Variants in HADHB observed in about 807,000 individuals in gnomAD.
HADHB encodes hydroxyacyl-CoA dehydrogenase trifunctional multienzyme complex subunit beta, also known as trifunctional enzyme subunit beta, mitochondrial.
Under a neutral mutation model 61.9 loss-of-function variants are expected in HADHB, and 50 were observed. The ratio of observed to expected loss-of-function variants is 0.81; its 90% CI spans 0.64 to 1.02. HADHB has a LOEUF of 1.02. Among genes scored for constraint, HADHB ranks in the 50% least tolerant of loss-of-function variants. The pLI is 0.00. For missense variants in HADHB, 504 were observed against 586.5 expected (o/e 0.86, Z 1.45); for synonymous variants, 191 against 201.6 (o/e 0.95, Z 0.45).
chr2:26,270,321 C>T (rs1332192528), intron 5 of HADHB, among the ~76,000 whole-genome samples: 1 of 152,188 alleles, frequency 6.6e-6, no homozygotes, highest in Non-Finnish European at 1.5e-5. Flanking sequence ...TAAAAGACAC[C>T]TGAAGATTCA....
At chr2:26,289,224 T>G (rs1450813042) in intron 15 of HADHB, among the ~76,000 whole-genome samples, 1 of 152,104 alleles carries the variant, frequency 6.6e-6, no homozygotes, top group Non-Finnish European at 1.5e-5. Context: ...TACTCCAGCC[T>G]GGGCAACGGC....
In HADHB at chr2:26,285,628, G is replaced by A. The variant is rs116641331; in HGVS notation, c.1389+57G>A. On this transcript the variant is annotated intron_variant, in intron 15 of 15. Transcript: ENST00000317799. ...GAGAGTCATTTTCTTGGAATGACTA[G>A]AATGTATGATTTAGTTTGAAACCTT... 5.1e-3 allele frequency: 6,714 copies of A among 1,310,912 alleles called. 250 individuals carry two copies. The African/African-American group carries it at 0.085, about 17-fold the overall frequency. The allele number at this position is 1,310,912 out of a possible 1,614,324, so 81.2% of individuals were successfully genotyped here.
intron 1 of HADHB, among the ~76,000 whole-genome samples, chr2:26,249,754 A>G (rs564755609): frequency 2.3e-4 from 35 of 152,092 alleles, no homozygotes; most frequent in African/African-American, 8.2e-4. Context: ...TAGGCAGAAG[A>G]CTTGAGTGTT....
chr2:26,260,865 T>TA (rs1315077226), intron 3 of HADHB: 1 of 625,746 alleles, frequency 1.6e-6, no homozygotes, highest in Non-Finnish European at 2.8e-6. Flanking sequence ...TTTGCTCACT[T>TA]ATGGTTTACA....
intron 1 of HADHB, among the ~76,000 whole-genome samples, chr2:26,253,115 T>C (rs1671466655): frequency 6.6e-6 from 1 of 152,218 alleles, no homozygotes; most frequent in Non-Finnish European, 1.5e-5. Flanking sequence ...CTGTTCATAT[T>C]CTGTGCCTAT....
At chr2:26,272,783 A>G (rs1672398742) in intron 5 of HADHB, among the ~76,000 whole-genome samples, 1 of 152,052 alleles carries the variant, frequency 6.6e-6, no homozygotes, top group South Asian at 2.1e-4. Flanking sequence ...GGGGAATGGC[A>G]TTTAGAAACC....
At chr2:26,274,108 G>A (rs1672451808) in intron 6 of HADHB, among the ~76,000 whole-genome samples, 1 of 152,190 alleles carries the variant, frequency 6.6e-6, no homozygotes, top group African/African-American at 2.4e-5. Context: ...ATTTCAACAT[G>A]TTGCAGAGAA....
chr2:26,281,568 G>A lies in HADHB; in HGVS notation c.934-1277G>A, dbSNP rs550820801. 4.2e-4 allele frequency among the ~76,000 whole-genome samples: 64 copies of A among 152,216 alleles called. 1 individual carries two copies. The South Asian group carries it at 0.011, about 25-fold the overall frequency. On this transcript the variant is annotated intron_variant, in intron 10 of 15. Coordinates refer to ENST00000317799, the MANE Select transcript of HADHB (RefSeq NM_000183.3). The stretch of plus-strand genomic sequence containing the variant: ...TCTGAATCCTTTTGATTATTTCCAG[G>A]GTATGCTAAAGGTCCAGGTTTATTT...
chr2:26,268,845 T>C (rs1200654060), intron 4 of HADHB, among the ~76,000 whole-genome samples: 2 of 152,110 alleles, frequency 1.3e-5, no homozygotes, highest in African/African-American at 2.4e-5. Context: ...AAGATGTCAG[T>C]ATTAGAAAAA....
chr2:26,284,349 G>A (rs1672928883), intron 13 of HADHB, 145 bp downstream of exon 13: 19 of 709,288 alleles, frequency 2.7e-5, no homozygotes, highest in South Asian at 2.6e-4. Flanking sequence ...ACACTGCTGG[G>A]AGGGGCCCGA....
intron 12 of HADHB, among the ~76,000 whole-genome samples, chr2:26,283,706 C>T (rs1672897665): frequency 6.6e-6 from 1 of 152,124 alleles, no homozygotes; most frequent in South Asian, 2.1e-4. Context: ...CACCCTGCTA[C>T]ACAATCTTCC....
chr2:26,251,200 T>G (rs1671385742), intron 1 of HADHB, among the ~76,000 whole-genome samples: 3 of 152,170 alleles, frequency 2.0e-5, no homozygotes, highest in Middle Eastern at 6.8e-3. Context: ...TTGTTTGTTT[T>G]TTTTTGAGAC....
intron 5 of HADHB, among the ~76,000 whole-genome samples, chr2:26,272,750 A>T (rs1415789576): frequency 2.0e-5 from 3 of 152,114 alleles, no homozygotes; most frequent in Non-Finnish European, 4.4e-5. Flanking sequence ...GTCATTTCTT[A>T]AAAAACCTTT....
chr2:26,280,183 A>C, intron 10 of HADHB, 68 bp downstream of exon 10: 1 of 1,291,414 alleles, frequency 7.7e-7, no homozygotes, highest in Non-Finnish European at 1.1e-6. Context: ...AGAAAAGCCT[A>C]ATATAACTTT....
intron 10 of HADHB, among the ~76,000 whole-genome samples, chr2:26,280,801 G>C (rs1672755220): frequency 7.7e-6 from 1 of 129,858 alleles, no homozygotes; most frequent in Admixed American, 9.4e-5. Flanking sequence ...GTTGCGGTGA[G>C]CCAAGATCGC....
chr2:26,279,107 C>T (rs180763739), intron 8 of HADHB, 28 bp from the exon 9 acceptor site: 13 of 1,585,004 alleles, frequency 8.2e-6, no homozygotes, highest in Non-Finnish European at 1.1e-5. Flanking sequence ...TAACAGTGTA[C>T]CTGCTCCTTG....
In HADHB at chr2:26,266,871, C is replaced by CAAAAAAAAAAAAAAAAAA. The variant is rs56401595; in HGVS notation, c.210-3076_210-3059dup. On this transcript the variant is annotated intron_variant, in intron 4 of 15. Coordinates refer to ENST00000317799, the MANE Select transcript of HADHB (RefSeq NM_000183.3). ...GGTGATGGAGTGAGACACTCTCTCT[C>CAAAAAAAAAAAAAAAAAA]AAAAAAAAAAAAAAAAAAAAAAAGG... 1.8e-4 allele frequency among the ~76,000 whole-genome samples: 8 copies of CAAAAAAAAAAAAAAAAAA among 45,416 alleles called. 1 individual carries two copies. The highest frequency in any genetic ancestry group is 5.9e-4 in the African/African-American group (6 of 10,122). The allele number at this position is 45,416 out of a possible 152,430, so 29.8% of individuals were successfully genotyped here.
chr2:26,288,150 C>A (rs1221844227), intron 15 of HADHB, among the ~76,000 whole-genome samples: 2 of 151,956 alleles, frequency 1.3e-5, no homozygotes, highest in East Asian at 3.9e-4. Flanking sequence ...ACCTGTGGTC[C>A]CAGTTACTCA....
intron 1 of HADHB, among the ~76,000 whole-genome samples, chr2:26,253,057 A>G (rs544860176): frequency 2.6e-5 from 4 of 152,300 alleles, no homozygotes; most frequent in South Asian, 2.1e-4. Flanking sequence ...GTGAAATTGA[A>G]CATCTTTTCA....
Sources: gnomAD v4.1 joint callset for allele counts (sites outside exome capture counted in the v4.1 genomes callset) on GRCh38, gnomAD v4.1.1 for gene constraint, MANE v1.5 for transcripts, NCBI Gene and HGNC (gene_info 2026-07-23, HGNC 2026-07-21) for gene names.